Variants in PTPRR observed in about 807,000 individuals in gnomAD.
The protein encoded by PTPRR is receptor-type tyrosine-protein phosphatase R.
A neutral mutation model predicts 77.2 loss-of-function variants in PTPRR; 38 were observed. That is an observed-to-expected ratio of 0.49 (90% CI 0.38 to 0.65). The LOEUF is 0.65. PTPRR is among the 30% of genes least tolerant of loss of function. The probability of loss-of-function intolerance (pLI) is 0.00; values close to 1 mark genes in which losing one functional copy is unlikely to be tolerated. For synonymous variants in PTPRR, 299 were observed against 283.1 expected, an observed-to-expected ratio of 1.06 and a Z score of -0.57; for missense variants, 744 against 799.2, an observed-to-expected ratio of 0.93 and a Z score of 0.83.
chr12:70,877,755 A>C (rs1418617630), intron 2 of PTPRR, among the ~76,000 whole-genome samples: 1 of 152,184 alleles, frequency 6.6e-6, no homozygotes, highest in Non-Finnish European at 1.5e-5. Flanking sequence ...ACTACTTCAA[A>C]GTTCATATGG....
At chr12:70,820,283 C>G (rs752943859) in intron 2 of PTPRR, among the ~76,000 whole-genome samples, 3 of 152,156 alleles carry the variant, frequency 2.0e-5, no homozygotes, top group Non-Finnish European at 2.9e-5. Context: ...CTAACAGAGA[C>G]TCTCTTCTTG....
chr12:70,774,412 G>A (rs1048504702), intron 2 of PTPRR, among the ~76,000 whole-genome samples: 4 of 152,192 alleles, frequency 2.6e-5, no homozygotes, highest in Non-Finnish European at 5.9e-5. Flanking sequence ...TAAATGGGAA[G>A]TGAAATGGGA....
chr12:70,709,356 C>G (rs1888737643), intron 6 of PTPRR, among the ~76,000 whole-genome samples: 1 of 152,140 alleles, frequency 6.6e-6, no homozygotes, highest in African/African-American at 2.4e-5. Context: ...CCACAGTCAA[C>G]ATCATACTTG....
chr12:70,889,801 C>T (rs1271382578), intron 2 of PTPRR, among the ~76,000 whole-genome samples: 1 of 152,044 alleles, frequency 6.6e-6, no homozygotes, highest in East Asian at 1.9e-4. Flanking sequence ...TTCTTCTCCT[C>T]CATCTTCTCC....
chr12:70,679,648 G>C (rs1887583487), intron 10 of PTPRR, among the ~76,000 whole-genome samples: 1 of 151,544 alleles, frequency 6.6e-6, no homozygotes, highest in Admixed American at 6.6e-5. Context: ...GATCTTCTTT[G>C]TGCTTTTTTG....
chr12:70,859,217 C>T (rs77007134), intron 2 of PTPRR, among the ~76,000 whole-genome samples: 1,590 of 152,038 alleles, frequency 0.01, 21 homozygotes, highest in South Asian at 0.059. Flanking sequence ...TATAGAATCA[C>T]GTATGCCAAT....
At chr12:70,832,819 C>T (rs559784402) in intron 2 of PTPRR, among the ~76,000 whole-genome samples, 1 of 152,168 alleles carries the variant, frequency 6.6e-6, no homozygotes, top group Admixed American at 6.5e-5. Context: ...ATTGACTGGG[C>T]TTCTGGTGAG....
chr12:70,660,210 A>AAATAAATT (rs1555246370), intron 12 of PTPRR, among the ~76,000 whole-genome samples: 2 of 143,618 alleles, frequency 1.4e-5, no homozygotes, highest in African/African-American at 4.9e-5. Context: ...ATAAATAAAT[A>AAATAAATT]AATAGTTGTT....
intron 2 of PTPRR, among the ~76,000 whole-genome samples, chr12:70,861,928 G>A (rs1892759960): frequency 1.3e-5 from 2 of 152,134 alleles, no homozygotes; most frequent in South Asian, 4.1e-4. Flanking sequence ...TGGAGCAAAT[G>A]CTCAGATGGT....
intron 10 of PTPRR, among the ~76,000 whole-genome samples, chr12:70,671,508 T>A (rs1285594588): frequency 6.6e-6 from 1 of 152,068 alleles, no homozygotes; most frequent in Admixed American, 6.5e-5. Flanking sequence ...AAAAATCATT[T>A]CTCCAATTTC....
chr12:70,784,794 A>G (rs1037615379), intron 2 of PTPRR, among the ~76,000 whole-genome samples: 1 of 152,218 alleles, frequency 6.6e-6, no homozygotes, highest in African/African-American at 2.4e-5. Context: ...GAAGTGGAGT[A>G]ACAGCTTTGT....
At chr12:70,915,828 G>C (rs1893767176) in intron 1 of PTPRR, among the ~76,000 whole-genome samples, 1 of 152,086 alleles carries the variant, frequency 6.6e-6, no homozygotes. Flanking sequence ...TTTTTTGTGG[G>C]TGTTAAGAAG....
At chr12:70,797,872 T>C (rs1165626888) in intron 2 of PTPRR, among the ~76,000 whole-genome samples, 1 of 152,166 alleles carries the variant, frequency 6.6e-6, no homozygotes, top group African/African-American at 2.4e-5. Flanking sequence ...GCCTGGACAC[T>C]TTCTATTTCT....
At chr12:70,845,358 C>T (rs1323483856) in intron 2 of PTPRR, among the ~76,000 whole-genome samples, 1 of 152,164 alleles carries the variant, frequency 6.6e-6, no homozygotes, top group Non-Finnish European at 1.5e-5. Flanking sequence ...AGAAATAATA[C>T]TGAACCATAC....
chr12:70,791,628 C>T (rs986447642), intron 2 of PTPRR, among the ~76,000 whole-genome samples: 5 of 152,054 alleles, frequency 3.3e-5, no homozygotes, highest in African/African-American at 9.7e-5. Context: ...TGGCTTATGG[C>T]AGAAACTCAA....
intron 2 of PTPRR, among the ~76,000 whole-genome samples, chr12:70,777,536 A>C (rs978215654): frequency 1.3e-5 from 2 of 152,106 alleles, no homozygotes; most frequent in African/African-American, 4.8e-5. Flanking sequence ...TTGTAATTAT[A>C]TTATTATTTC....
intron 2 of PTPRR, among the ~76,000 whole-genome samples, chr12:70,768,182 A>C (rs1388447146): frequency 6.6e-6 from 1 of 152,064 alleles, no homozygotes; most frequent in Non-Finnish European, 1.5e-5. Context: ...AACTGAAGGA[A>C]ATAGAGACAC....
At chr12:70,827,615 G>A (rs1165971008) in intron 2 of PTPRR, among the ~76,000 whole-genome samples, 2 of 149,954 alleles carry the variant, frequency 1.3e-5, no homozygotes, top group Non-Finnish European at 3.0e-5. Flanking sequence ...GCATGATCTC[G>A]GCTCACTGCA....
intron 2 of PTPRR, among the ~76,000 whole-genome samples, chr12:70,859,302 C>T (rs1892708817): frequency 6.6e-6 from 1 of 151,994 alleles, no homozygotes; most frequent in Admixed American, 6.6e-5. Context: ...CTGCACCCCT[C>T]AAAGATATTA....
Sources: allele counts gnomAD v4.1 joint callset (sites outside exome capture counted in the v4.1 genomes callset), GRCh38; gene constraint gnomAD v4.1.1; transcripts MANE v1.5; gene names NCBI Gene and HGNC (gene_info 2026-07-23, HGNC 2026-07-21).